Variants in ELMO1 observed in about 807,000 individuals in gnomAD.
ELMO1 encodes engulfment and cell motility protein 1.
In ELMO1, 26 loss-of-function variants were observed where a neutral mutation model predicts 98.9. The observed-to-expected ratio is 0.26, with a 90% CI of 0.19 to 0.36. The LOEUF is 0.36. Ranked by LOEUF, ELMO1 falls within the 10% of genes least tolerant of loss-of-function variation. The pLI, the probability that ELMO1 is intolerant of heterozygous loss-of-function variation, is 1.00. For synonymous variants in ELMO1, 346 were observed against 346.0 expected, an observed-to-expected ratio of 1.00 and a Z score of 0.00; for missense variants, 627 against 935.2, an observed-to-expected ratio of 0.67 and a Z score of 4.30.
intron 1 of ELMO1, among the ~76,000 whole-genome samples, chr7:37,424,204 C>T (rs1264830946): frequency 6.6e-6 from 1 of 152,200 alleles, no homozygotes; most frequent in East Asian, 1.9e-4. Context: ...AGTAGAAAAG[C>T]CATATGCTTT....
At chr7:37,170,572 G>A (rs76221497) in intron 13 of ELMO1, among the ~76,000 whole-genome samples, 3 of 26,366 alleles carry the variant, frequency 1.1e-4, no homozygotes, top group Non-Finnish European at 4.2e-4. Context: ...TTCCTTCTTT[G>A]TTTTTCTTTT....
At chr7:37,351,374 A>C (rs1801261440) in intron 1 of ELMO1, 1 of 152,256 alleles carries the variant, frequency 6.6e-6, no homozygotes, top group South Asian at 2.1e-4. Flanking sequence ...AGCACTTTGC[A>C]GGGACCAGGC....
At chr7:37,216,812 T>A in intron 10 of ELMO1, 117 bp from the exon 11 acceptor site, 1 of 1,010,300 alleles carries the variant, frequency 9.9e-7, no homozygotes, top group East Asian at 2.5e-5. Context: ...CAGTATTTCT[T>A]ATGAAATAAT....
chr7:36,876,532 C>T (rs189991066), intron 19 of ELMO1, among the ~76,000 whole-genome samples: 444 of 152,092 alleles, frequency 2.9e-3, no homozygotes, highest in African/African-American at 9.6e-3. Flanking sequence ...TCAGAACTGG[C>T]GGGAACATCT....
chr7:36,912,781 C>G (rs1784425904), intron 16 of ELMO1, among the ~76,000 whole-genome samples: 1 of 152,190 alleles, frequency 6.6e-6, no homozygotes, highest in Admixed American at 6.5e-5. Flanking sequence ...ATTTCCTTCT[C>G]TGTAAACTGA....
chr7:37,384,067 G>A (rs1043175707), intron 1 of ELMO1, among the ~76,000 whole-genome samples: 6 of 152,100 alleles, frequency 3.9e-5, no homozygotes, highest in African/African-American at 1.2e-4. Context: ...CACCCACCTC[G>A]GCCTCCCAGA....
At chr7:37,375,499 C>A (rs1030236831) in intron 1 of ELMO1, 16 of 782,370 alleles carry the variant, frequency 2.0e-5, no homozygotes, top group Admixed American at 1.6e-4. Context: ...CAAGCCCCGG[C>A]CCCGGACCCC....
intron 1 of ELMO1, among the ~76,000 whole-genome samples, chr7:37,420,916 C>T (rs1204093566): frequency 2.0e-5 from 3 of 152,216 alleles, no homozygotes; most frequent in Admixed American, 6.5e-5. Flanking sequence ...TTCATTCTTA[C>T]TTCCAACCCA....
intron 16 of ELMO1, among the ~76,000 whole-genome samples, chr7:36,952,032 G>C (rs1292661323): frequency 6.6e-6 from 1 of 152,248 alleles, no homozygotes; most frequent in Admixed American, 6.5e-5. Context: ...AAGGAAGCAG[G>C]AAGCAGGGAG....
chr7:36,888,019 C>A (rs183291702), intron 17 of ELMO1, among the ~76,000 whole-genome samples: 1 of 152,304 alleles, frequency 6.6e-6, no homozygotes, highest in East Asian at 1.9e-4. Context: ...GACAATCAAT[C>A]CTTGGTCAAC....
chr7:37,365,960 T>C (rs1346556395), intron 1 of ELMO1, among the ~76,000 whole-genome samples: 1 of 152,236 alleles, frequency 6.6e-6, no homozygotes, highest in Non-Finnish European at 1.5e-5. Context: ...AGAAAATATC[T>C]GATAGATGAA....
intron 17 of ELMO1, among the ~76,000 whole-genome samples, chr7:36,894,524 T>C (rs1316794957): frequency 6.6e-6 from 1 of 152,158 alleles, no homozygotes. Context: ...CCACATGAAA[T>C]ATAGTTTTAC....
Position 36,855,473 on chromosome 7 carries a change from C to T in ELMO1, c.*78G>A, listed in dbSNP as rs943249869. Reference sequence around the variant, plus strand: ...CCTTTACCAAAGGACGGTTCCAAGGCGTGGGTGTGTTTTCATTCCTCTCTC... The same window carrying T: ...CCTTTACCAAAGGACGGTTCCAAGGTGTGGGTGTGTTTTCATTCCTCTCTC... On this transcript the variant is annotated 3_prime_UTR_variant, in exon 22 of 22. Coordinates refer to ENST00000310758, the MANE Select transcript of ELMO1 (RefSeq NM_014800.11). This position sits in a 1 kb window ranked among gnomAD's most constrained non-coding sequence, Gnocchi z 4.2. 5.3e-5 allele frequency: 83 copies of T among 1,565,414 alleles called. 1 individual carries two copies. Among genetic ancestry groups the T allele is most frequent in the Admixed American group, 3.4e-4 (20 of 59,586 alleles).
chr7:37,030,596 T>C (rs1234280024), intron 15 of ELMO1, among the ~76,000 whole-genome samples: 1 of 152,170 alleles, frequency 6.6e-6, no homozygotes, highest in Non-Finnish European at 1.5e-5. Flanking sequence ...GGCTTCAAAA[T>C]TATTTGATAG....
chr7:37,389,065 G>A (rs919554190), intron 1 of ELMO1, among the ~76,000 whole-genome samples: 1 of 152,152 alleles, frequency 6.6e-6, no homozygotes, highest in African/African-American at 2.4e-5. Context: ...TTCCTCCTTT[G>A]AGCAAACTAG....
chr7:37,294,207 G>A (rs892210487), intron 4 of ELMO1, among the ~76,000 whole-genome samples: 5 of 152,148 alleles, frequency 3.3e-5, no homozygotes, highest in African/African-American at 1.2e-4. Flanking sequence ...TCTACTCATA[G>A]GCTTGGGTAT....
chr7:37,155,503 A>AAAAAAAAAAAT (rs61189239), intron 13 of ELMO1, among the ~76,000 whole-genome samples: 508 of 131,770 alleles, frequency 3.9e-3, no homozygotes, highest in Middle Eastern at 8.1e-3. Flanking sequence ...AAAAAAAAAA[A>AAAAAAAAAAAT]AAAAAGCAGG....
At chr7:37,305,692 T>G (rs1365528634) in intron 4 of ELMO1, among the ~76,000 whole-genome samples, 2 of 152,230 alleles carry the variant, frequency 1.3e-5, no homozygotes, top group Non-Finnish European at 2.9e-5. Context: ...TGTATTCTTA[T>G]CTTACAAAGA....
intron 2 of ELMO1, among the ~76,000 whole-genome samples, chr7:37,317,261 C>A (rs561340555): frequency 6.6e-6 from 1 of 152,162 alleles, no homozygotes; most frequent in Non-Finnish European, 1.5e-5. Flanking sequence ...GTTCAGTGTA[C>A]GGTGTCCCTC....
Sources: gnomAD v4.1 joint callset for allele counts (sites outside exome capture counted in the v4.1 genomes callset) on GRCh38, gnomAD v4.1.1 for gene constraint, Gnocchi (gnomAD v3.1) non-coding constraint, MANE v1.5 for transcripts, NCBI Gene and HGNC (gene_info 2026-07-23, HGNC 2026-07-21) for gene names.